Variants in PIGU observed in about 807,000 individuals in gnomAD.
PIGU encodes GPI-anchor transamidase component PIGU.
Under a neutral mutation model 49.9 loss-of-function variants are expected in PIGU, and 24 were observed. The observed-to-expected ratio is 0.48, with a 90% CI of 0.35 to 0.68. PIGU has a LOEUF of 0.68. Ranked by LOEUF, PIGU falls within the 30% of genes least tolerant of loss-of-function variation. The pLI is 0.01. For synonymous variants in PIGU, 220 were observed against 205.7 expected, an observed-to-expected ratio of 1.07 and a Z score of -0.59; for missense variants, 490 against 532.6, an observed-to-expected ratio of 0.92 and a Z score of 0.79.
chr20:34,582,378 C>A (rs1034297400), intron 9 of PIGU, among the ~76,000 whole-genome samples: 1 of 152,152 alleles, frequency 6.6e-6, no homozygotes, highest in Non-Finnish European at 1.5e-5. Context: ...CTCAACCACC[C>A]CTCAAGGCAG....
At chr20:34,606,027 G>A (rs938086025) in intron 7 of PIGU, among the ~76,000 whole-genome samples, 7 of 152,032 alleles carry the variant, frequency 4.6e-5, no homozygotes, top group South Asian at 2.1e-4. Flanking sequence ...AGGCTGAGGC[G>A]GGCGGATCAC....
chr20:34,593,577 T>C (rs1380241005), intron 7 of PIGU, among the ~76,000 whole-genome samples: 1 of 152,142 alleles, frequency 6.6e-6, no homozygotes, highest in African/African-American at 2.4e-5. Flanking sequence ...AAAATACATA[T>C]GGCAATTTAG....
intron 10 of PIGU, among the ~76,000 whole-genome samples, chr20:34,578,793 G>C (rs1983339596): frequency 6.6e-6 from 1 of 152,208 alleles, no homozygotes. Context: ...CTGGAGACCT[G>C]GGGTACGGGA....
At chr20:34,657,926 A>ACCTCTCCCTCTC (rs201898673) in intron 1 of PIGU, among the ~76,000 whole-genome samples, 1 of 145,748 alleles carries the variant, frequency 6.9e-6, no homozygotes, top group African/African-American at 2.5e-5. Flanking sequence ...ATAATAAATA[A>ACCTCTCCCTCTC]CCTCTCCCTC....
At chr20:34,565,290 C>T (rs902385253) in intron 11 of PIGU, among the ~76,000 whole-genome samples, 1 of 151,466 alleles carries the variant, frequency 6.6e-6, no homozygotes, top group Admixed American at 6.6e-5. Context: ...CGAAGTCTCG[C>T]TCTGTCACCC....
chr20:34,566,748 G>C (rs142175437), intron 11 of PIGU, among the ~76,000 whole-genome samples: 1 of 152,276 alleles, frequency 6.6e-6, no homozygotes, highest in East Asian at 1.9e-4. Flanking sequence ...AGTCCTGCCT[G>C]TCAGAGGCCC....
intron 2 of PIGU, among the ~76,000 whole-genome samples, chr20:34,653,800 A>G (rs1370015559): frequency 6.6e-6 from 1 of 152,216 alleles, no homozygotes; most frequent in Admixed American, 6.6e-5. Context: ...AGAGTGTGAC[A>G]TGAGCCAGGA....
chr20:34,595,450 A>T (rs1163480124), intron 7 of PIGU, among the ~76,000 whole-genome samples: 1 of 152,168 alleles, frequency 6.6e-6, no homozygotes, highest in African/African-American at 2.4e-5. Context: ...TGTATTAGGG[A>T]CTTGTACATC....
chr20:34,651,613 A>G (rs1487411589), intron 2 of PIGU, among the ~76,000 whole-genome samples: 1 of 151,982 alleles, frequency 6.6e-6, no homozygotes, highest in Non-Finnish European at 1.5e-5. Context: ...CCGTTCACCA[A>G]TCCACCAGAA....
intron 11 of PIGU, among the ~76,000 whole-genome samples, chr20:34,565,359 C>T (rs1049449400): frequency 1.3e-5 from 2 of 151,994 alleles, no homozygotes; most frequent in Non-Finnish European, 2.9e-5. Flanking sequence ...TCAAGTGATT[C>T]TCCCGCCTCA....
At chr20:34,578,666 C>A (rs56020497) in intron 10 of PIGU, among the ~76,000 whole-genome samples, 1 of 152,180 alleles carries the variant, frequency 6.6e-6, no homozygotes, top group Non-Finnish European at 1.5e-5. Flanking sequence ...AGAACCATCA[C>A]CAGCATGCAG....
chr20:34,574,587 C>G (rs1320004369), intron 11 of PIGU, among the ~76,000 whole-genome samples: 7 of 152,182 alleles, frequency 4.6e-5, no homozygotes, highest in Non-Finnish European at 1.0e-4. Context: ...AACTCCCCAA[C>G]AGCCAGACCG....
In PIGU at chr20:34,655,584, G is replaced by T. The variant is rs1431980605; in HGVS notation, c.195+1596C>A. On this transcript the variant is annotated intron_variant, in intron 2 of 11. Transcript: ENST00000217446. ...AGCTACTCCGGAGGCTGAGGCAGGA[G>T]AATGGCGTGAACCCAGGAGGCAGAG... Among the ~76,000 whole-genome samples the T allele has an allele frequency of 5.8e-5, 7 of 121,226 alleles. 3 individuals are homozygous for T. The highest frequency in any genetic ancestry group is 1.2e-4 in the Non-Finnish European group (7 of 56,636). The allele number at this position is 121,226 out of a possible 152,430, so 79.5% of individuals were successfully genotyped here.
intron 7 of PIGU, among the ~76,000 whole-genome samples, chr20:34,612,077 C>T (rs1474229594): frequency 6.6e-6 from 1 of 152,122 alleles, no homozygotes; most frequent in African/African-American, 2.4e-5. Context: ...TACTGCAGCA[C>T]TACTTACAAT....
At chr20:34,612,885 A>G (rs1204432227) in intron 7 of PIGU, among the ~76,000 whole-genome samples, 1 of 152,092 alleles carries the variant, frequency 6.6e-6, no homozygotes, top group Non-Finnish European at 1.5e-5. Context: ...AGCCTCCCAA[A>G]GTACTGAGAT....
At chr20:34,596,242 C>T (rs191341458) in intron 7 of PIGU, among the ~76,000 whole-genome samples, 8 of 152,298 alleles carry the variant, frequency 5.3e-5, no homozygotes, top group African/African-American at 1.9e-4. Context: ...AACTGAGGTA[C>T]ATTTCACAAA....
At chr20:34,635,150 A>C (rs1286783545) in intron 5 of PIGU, among the ~76,000 whole-genome samples, 1 of 152,226 alleles carries the variant, frequency 6.6e-6, no homozygotes, top group African/African-American at 2.4e-5. Flanking sequence ...GATTTCAAAA[A>C]ATGATAAAAT....
chr20:34,570,173 G>A (rs1194040633), intron 11 of PIGU, among the ~76,000 whole-genome samples: 2 of 152,162 alleles, frequency 1.3e-5, no homozygotes, highest in African/African-American at 4.8e-5. Context: ...TCTCACATAT[G>A]AGCAAGGAAA....
intron 6 of PIGU, among the ~76,000 whole-genome samples, chr20:34,617,566 T>A (rs1985060824): frequency 6.6e-6 from 1 of 152,242 alleles, no homozygotes; most frequent in South Asian, 2.1e-4. Context: ...ACCCCCATTG[T>A]ATCTAGGAAG....
Sources: allele counts gnomAD v4.1 joint callset (sites outside exome capture counted in the v4.1 genomes callset), GRCh38; gene constraint gnomAD v4.1.1; transcripts MANE v1.5; gene names NCBI Gene and HGNC (gene_info 2026-07-23, HGNC 2026-07-21).